The following IMMP2L variants were observed in gnomAD, a reference collection of about 807,000 sequenced individuals.
IMMP2L encodes inner mitochondrial membrane peptidase subunit 2.
IMMP2L carries 18 observed loss-of-function variants against 19.3 expected under a neutral mutation model. The observed-to-expected ratio is 0.93, with a 90% CI of 0.64 to 1.38. The LOEUF is 1.38. Ranked by LOEUF, IMMP2L falls within the 40% of genes most tolerant of loss-of-function variation. The pLI is 0.00. For synonymous variants in IMMP2L, 76 were observed against 73.0 expected (o/e 1.04, Z -0.21); for missense variants, 233 against 218.2 (o/e 1.07, Z -0.43).
chr7:111,012,952 G>T (rs1825122643), intron 3 of IMMP2L, among the ~76,000 whole-genome samples: 1 of 152,112 alleles, frequency 6.6e-6, no homozygotes, highest in Non-Finnish European at 1.5e-5. Context: ...GTGCACTGCA[G>T]CTTTCATTCA....
chr7:110,852,015 G>A (rs2131533282), intron 5 of IMMP2L, among the ~76,000 whole-genome samples: 1 of 152,150 alleles, frequency 6.6e-6, no homozygotes, highest in South Asian at 2.1e-4. Context: ...TGACTGCTGA[G>A]GCTGTAATAC....
chr7:110,858,945 G>A (rs115038213), intron 5 of IMMP2L, among the ~76,000 whole-genome samples: 1,531 of 152,050 alleles, frequency 0.01, 37 homozygotes, highest in African/African-American at 0.035. Flanking sequence ...ATCATTTTTT[G>A]TGGCTCCATA....
At chr7:111,158,264 TTATAGGTAGA>T (rs1160714119) in intron 3 of IMMP2L, among the ~76,000 whole-genome samples, 3 of 152,074 alleles carry the variant, frequency 2.0e-5, no homozygotes, top group South Asian at 2.1e-4. Context: ...AGTACTCTGA[TTATAGGTAGA>T]TATAGGTAGA....
intron 5 of IMMP2L, among the ~76,000 whole-genome samples, chr7:110,879,711 T>C (rs1809451157): frequency 6.6e-6 from 1 of 152,162 alleles, no homozygotes. Context: ...AGATTCCTCT[T>C]GGGACTTCTA....
In IMMP2L at chr7:111,081,252, T is replaced by C. The variant is rs576081522; in HGVS notation, c.240-117687A>G. 1.1e-4 allele frequency among the ~76,000 whole-genome samples: 17 copies of C among 152,312 alleles called. No individual in the cohort carries two copies. In the South Asian group the frequency reaches 2.7e-3, roughly 24 times the overall value. Reference sequence around the variant, plus strand: ...GCAAAAGACAATTACATGAAATATATGTTTATTAAAAATGCGAGACTGCCA... The same window carrying C: ...GCAAAAGACAATTACATGAAATATACGTTTATTAAAAATGCGAGACTGCCA... On this transcript the variant is annotated intron_variant, in intron 3 of 5. Transcript: ENST00000405709.
At position 111,123,212 on chromosome 7, in the gene IMMP2L, T is replaced by C; in HGVS notation, c.240-159647A>G. 2 of 1,613,960 alleles carry C rather than the reference T, an allele frequency of 1.2e-6. No individual in the cohort carries two copies. The highest frequency in any genetic ancestry group is 2.2e-5 in the South Asian group (2 of 91,080). ...CTGAGCAACTTACAAGAACTCTATA[T>C]TAATCACAACTTGCTTTCTACAATT... On this transcript the variant is annotated intron_variant, in intron 3 of 5. Transcript: ENST00000405709. This position sits in a 1 kb window ranked among gnomAD's most constrained non-coding sequence, Gnocchi z 6.4.
chr7:110,699,820 T>C (rs1301183238), intron 5 of IMMP2L, among the ~76,000 whole-genome samples: 1 of 151,492 alleles, frequency 6.6e-6, no homozygotes, highest in Non-Finnish European at 1.5e-5. Context: ...TATTGTTACA[T>C]TACGTGAGTC....
chr7:110,798,355 A>G (rs1801006857), intron 5 of IMMP2L, among the ~76,000 whole-genome samples: 1 of 151,966 alleles, frequency 6.6e-6, no homozygotes, highest in South Asian at 2.1e-4. Context: ...GGCATCATGA[A>G]AGGCACAAAG....
chr7:111,305,690 G>T (rs954338227), intron 3 of IMMP2L, among the ~76,000 whole-genome samples: 3 of 152,124 alleles, frequency 2.0e-5, no homozygotes, highest in Admixed American at 2.0e-4. Context: ...AATTTGTTTG[G>T]TGAGTCTATC....
intron 1 of IMMP2L, among the ~76,000 whole-genome samples, chr7:111,558,317 T>A (rs1327806011): frequency 6.6e-6 from 1 of 152,132 alleles, no homozygotes; most frequent in South Asian, 2.1e-4. Context: ...TCCCCTCCAA[T>A]GGAGCCACAG....
chr7:111,013,366 T>C lies in IMMP2L; in HGVS notation c.240-49801A>G, dbSNP rs575029898. ...GCCAATGAAAAGGCTTCTACAACAC[T>C]TTAAGGCAGAACATGAAGTCTTGCA... On this transcript the variant is annotated intron_variant, in intron 3 of 5. Coordinates refer to ENST00000405709, the MANE Select transcript of IMMP2L (RefSeq NM_032549.4). 2.6e-5 allele frequency among the ~76,000 whole-genome samples: 4 copies of C among 152,148 alleles called. No individual in the cohort carries two copies. The South Asian group carries it at 8.3e-4, about 32-fold the overall frequency.
intron 2 of IMMP2L, among the ~76,000 whole-genome samples, chr7:111,507,135 C>G (rs1844992505): frequency 6.6e-6 from 1 of 152,194 alleles, no homozygotes; most frequent in African/African-American, 2.4e-5. Flanking sequence ...GCCACTACAC[C>G]CAGCCCTGAG....
intron 5 of IMMP2L, among the ~76,000 whole-genome samples, chr7:110,731,332 G>A (rs572931836): frequency 1.5e-3 from 223 of 152,238 alleles, no homozygotes; most frequent in African/African-American, 5.2e-3. Flanking sequence ...AGTGTGTATA[G>A]TGCTTGATCT....
chr7:111,424,086 G>A (rs916176365), intron 3 of IMMP2L, among the ~76,000 whole-genome samples: 6 of 151,824 alleles, frequency 4.0e-5, no homozygotes, highest in South Asian at 4.2e-4. Context: ...AACATGCCCT[G>A]TTCTTCACAA....
At chr7:111,134,231 T>C (rs1586499961) in intron 3 of IMMP2L, among the ~76,000 whole-genome samples, 1 of 152,080 alleles carries the variant, frequency 6.6e-6, no homozygotes, top group African/African-American at 2.4e-5. Flanking sequence ...CCTTAGACTA[T>C]ATTTTGTATA....
chr7:111,045,291 C>A lies in IMMP2L; in HGVS notation c.240-81726G>T, dbSNP rs538180286. Among the ~76,000 whole-genome samples, 4 of 152,286 alleles carry A rather than the reference C, an allele frequency of 2.6e-5. No individual in the cohort carries two copies. In the East Asian group the frequency reaches 7.7e-4, roughly 29 times the overall value. On this transcript the variant is annotated intron_variant, in intron 3 of 5. Coordinates refer to ENST00000405709, the MANE Select transcript of IMMP2L (RefSeq NM_032549.4). ...TTAGTAAATTCTATGGGCTTTACTT[C>A]CTAAATATATCCTCAAAATATGCCC...
Position 110,760,167 on chromosome 7 carries a change from C to T in IMMP2L, c.409-96446G>A, listed in dbSNP as rs17157942. On this transcript the variant is annotated intron_variant, in intron 5 of 5. Coordinates refer to ENST00000405709, the MANE Select transcript of IMMP2L (RefSeq NM_032549.4). The surrounding 1 kb of genome is among the most constrained non-coding windows in gnomAD (Gnocchi z 4.2). ...GTTGAGAATTCACTTGCTTTTGTGCCACCTTGAGAATTCAGTCTCAATTCT... is the reference window on the plus strand; with the variant it reads ...GTTGAGAATTCACTTGCTTTTGTGCTACCTTGAGAATTCAGTCTCAATTCT... 0.31 allele frequency among the ~76,000 whole-genome samples: 46,521 copies of T among 151,910 alleles called. 8,798 individuals are homozygous for T. Among genetic ancestry groups the T allele is most frequent in the East Asian group, 0.68 (3,510 of 5,132 alleles).
intron 3 of IMMP2L, among the ~76,000 whole-genome samples, chr7:111,275,852 G>A (rs1166402091): frequency 6.6e-6 from 1 of 151,888 alleles, no homozygotes; most frequent in Non-Finnish European, 1.5e-5. Context: ...GATTGTTATT[G>A]GTATAAAGAA....
intron 3 of IMMP2L, among the ~76,000 whole-genome samples, chr7:111,331,074 T>C (rs557252479): frequency 6.6e-6 from 1 of 152,080 alleles, no homozygotes; most frequent in Non-Finnish European, 1.5e-5. Flanking sequence ...ATCCCACTTC[T>C]GGGTGTTTAC....
Sources: allele counts gnomAD v4.1 joint callset (sites outside exome capture counted in the v4.1 genomes callset), GRCh38; gene constraint gnomAD v4.1.1; non-coding constraint Gnocchi (gnomAD v3.1); transcripts MANE v1.5; gene names NCBI Gene and HGNC (gene_info 2026-07-23, HGNC 2026-07-21).